ENPP3: variants seen among roughly 807,000 people sequenced by gnomAD.
The protein encoded by ENPP3 is ectonucleotide pyrophosphatase/phosphodiesterase family member 3.
ENPP3 carries 104 observed loss-of-function variants against 117.8 expected under a neutral mutation model. The ratio of observed to expected loss-of-function variants is 0.88; its 90% CI spans 0.75 to 1.04. The LOEUF (loss-of-function observed/expected upper bound fraction) is 1.04, where lower values mean the gene tolerates loss of function less well. Ranked by LOEUF, ENPP3 falls within the 50% of genes least tolerant of loss-of-function variation. The pLI is 0.00. For missense variants in ENPP3, 1,026 were observed against 1,051.9 expected (o/e 0.98, Z 0.34); for synonymous variants, 380 against 349.9 (o/e 1.09, Z -0.96).
chr6:131,694,692 G>T (rs555053621), intron 15 of ENPP3, among the ~76,000 whole-genome samples: 7 of 152,064 alleles, frequency 4.6e-5, no homozygotes. Context: ...ACAAAAATTA[G>T]CCAGGCATGG....
intron 15 of ENPP3, among the ~76,000 whole-genome samples, chr6:131,717,851 T>TAAA (rs1484630532): frequency 2.0e-5 from 3 of 152,230 alleles, no homozygotes; most frequent in African/African-American, 7.2e-5. Context: ...TATAATACTA[T>TAAA]AGTTCTACTA....
intron 14 of ENPP3, among the ~76,000 whole-genome samples, chr6:131,691,548 C>T (rs1329244269): frequency 4.7e-5 from 7 of 149,776 alleles, no homozygotes; most frequent in African/African-American, 7.4e-5. Context: ...GAGATCATAC[C>T]GCTGCACTCC....
chr6:131,646,972 C>CT (rs747724228), intron 2 of ENPP3, among the ~76,000 whole-genome samples: 5,741 of 127,576 alleles, frequency 0.045, 204 homozygotes, highest in East Asian at 0.14. Context: ...CAACCAGCTA[C>CT]TTTTTTTTTT....
chr6:131,697,274 T>C (rs1022848142), intron 15 of ENPP3, among the ~76,000 whole-genome samples: 3 of 152,074 alleles, frequency 2.0e-5, no homozygotes, highest in Admixed American at 6.5e-5. Context: ...AGTAGGCTGT[T>C]GGTAGATACA....
intron 9 of ENPP3, among the ~76,000 whole-genome samples, chr6:131,675,993 A>C (rs991900256): frequency 3.3e-5 from 5 of 151,554 alleles, no homozygotes; most frequent in Non-Finnish European, 5.9e-5. Flanking sequence ...TACCTCTCAG[A>C]CCTCCCCTTC....
intron 15 of ENPP3, chr6:131,701,133 G>A: frequency 1.5e-6 from 1 of 674,808 alleles, no homozygotes; most frequent in Non-Finnish European, 2.4e-6. Context: ...AAAGGAGATG[G>A]GCTTGGCTGG....
rs1377973088 is a variant in ENPP3 at position 131,700,606 on chromosome 6, G to A, written c.1412+6982G>A. On this transcript the variant is annotated intron_variant, in intron 15 of 24. Transcript: ENST00000357639. ...AGGAGATATTTCTTCTGCTCCTTGG[G>A]GTTCCCATATCTGGGTCCAACATAC... The A allele has an allele frequency of 5.7e-5, 88 of 1,551,586 alleles. 3 individuals are homozygous for A. The highest frequency in any genetic ancestry group is 7.0e-5 in the Non-Finnish European group (81 of 1,164,060).
At chr6:131,674,346 T>C in intron 8 of ENPP3, 65 bp downstream of exon 8, 1 of 1,516,046 alleles carries the variant, frequency 6.6e-7, no homozygotes, top group African/African-American at 1.4e-5. Context: ...AGGAGGACAC[T>C]CTTCTCACTC....
intron 15 of ENPP3, among the ~76,000 whole-genome samples, chr6:131,717,895 C>A (rs1201916912): frequency 2.6e-5 from 4 of 152,118 alleles, no homozygotes; most frequent in African/African-American, 7.2e-5. Context: ...CTTAGATACA[C>A]AAATCCTTAC....
At chr6:131,692,965 A>G in intron 14 of ENPP3, among the ~76,000 whole-genome samples, 1 of 144,708 alleles carries the variant, frequency 6.9e-6, no homozygotes, top group South Asian at 2.1e-4. Flanking sequence ...TATATATGAT[A>G]TATAGTTATA....
chr6:131,744,852 T>C (rs938187694), intron 24 of ENPP3, among the ~76,000 whole-genome samples: 1 of 151,956 alleles, frequency 6.6e-6, no homozygotes, highest in Non-Finnish European at 1.5e-5. Context: ...TATCAAAGTA[T>C]ATTTAAATAT....
intron 15 of ENPP3, among the ~76,000 whole-genome samples, chr6:131,717,313 G>C (rs951756011): frequency 6.7e-6 from 1 of 148,204 alleles, no homozygotes; most frequent in Non-Finnish European, 1.5e-5. Flanking sequence ...GTTGTTAGTC[G>C]AGTCGAGTTT....
chr6:131,721,645 TCTC>T (rs1180739246), intron 17 of ENPP3, among the ~76,000 whole-genome samples: 16 of 152,146 alleles, frequency 1.1e-4, no homozygotes, highest in Admixed American at 1.0e-3. Context: ...GAAGAAAAGC[TCTC>T]CTAATATTAA....
chr6:131,670,983 T>C (rs1156873648), intron 6 of ENPP3, among the ~76,000 whole-genome samples: 1 of 152,148 alleles, frequency 6.6e-6, no homozygotes, highest in South Asian at 2.1e-4. Context: ...AAAGACCATA[T>C]AGCTTTGCAA....
At chr6:131,677,041 A>G (rs1452022512) in intron 10 of ENPP3, among the ~76,000 whole-genome samples, 1 of 151,940 alleles carries the variant, frequency 6.6e-6, no homozygotes, top group Non-Finnish European at 1.5e-5. Flanking sequence ...TCCCGGACCA[A>G]CCTGGACAAC....
intron 10 of ENPP3, among the ~76,000 whole-genome samples, chr6:131,677,617 T>A (rs1358128660): frequency 6.6e-6 from 1 of 152,128 alleles, no homozygotes; most frequent in Non-Finnish European, 1.5e-5. Flanking sequence ...TGGTCTTAAC[T>A]GCAAGAACAA....
intron 20 of ENPP3, 124 bp from the exon 21 acceptor site, chr6:131,733,464 C>A (rs1268983958): frequency 1.9e-6 from 2 of 1,030,306 alleles, no homozygotes; most frequent in South Asian, 1.8e-5. Context: ...CTTGCGTAGA[C>A]CTGATTCACT....
intron 6 of ENPP3, among the ~76,000 whole-genome samples, chr6:131,660,380 G>A (rs1778474304): frequency 6.6e-6 from 1 of 152,206 alleles, no homozygotes; most frequent in Non-Finnish European, 1.5e-5. Context: ...TCATATTAGT[G>A]ACTGTTAAGT....
chr6:131,725,016 C>G (rs1399981693), intron 19 of ENPP3, among the ~76,000 whole-genome samples: 1 of 148,642 alleles, frequency 6.7e-6, no homozygotes, highest in Non-Finnish European at 1.5e-5. Flanking sequence ...CAAGACCAGC[C>G]TGGCCAACAT....
Sources: gnomAD v4.1 joint callset for allele counts (sites outside exome capture counted in the v4.1 genomes callset) on GRCh38, gnomAD v4.1.1 for gene constraint, MANE v1.5 for transcripts, NCBI Gene and HGNC (gene_info 2026-07-23, HGNC 2026-07-21) for gene names.